CTNND2: variants seen among roughly 807,000 people sequenced by gnomAD.
CTNND2 encodes catenin delta-2.
In CTNND2, 22 loss-of-function variants were observed where a neutral mutation model predicts 144.4. The ratio of observed to expected loss-of-function variants is 0.15; its 90% CI spans 0.11 to 0.22. CTNND2 has a LOEUF of 0.22. Among genes scored for constraint, CTNND2 ranks in the 10% least tolerant of loss-of-function variants. CTNND2 has a pLI of 1.00. For missense variants in CTNND2, 1,353 were observed against 1,618.8 expected, an observed-to-expected ratio of 0.84 and a Z score of 2.82; for synonymous variants, 751 against 695.6, an observed-to-expected ratio of 1.08 and a Z score of -1.25.
chr5:11,275,017 G>A (rs990231639), intron 9 of CTNND2, among the ~76,000 whole-genome samples: 2 of 152,176 alleles, frequency 1.3e-5, no homozygotes, highest in African/African-American at 4.8e-5. Context: ...CGGGTATAGA[G>A]TTGGTAGGAA....
chr5:11,600,313 A>C (rs13174794), intron 2 of CTNND2, among the ~76,000 whole-genome samples: 30,065 of 152,148 alleles, frequency 0.2, 3,373 homozygotes, highest in Non-Finnish European at 0.25. Flanking sequence ...AACAACAAAA[A>C]AAATTTTGTA....
chr5:11,089,032 T>C (rs1750475642), intron 15 of CTNND2, among the ~76,000 whole-genome samples: 1 of 152,214 alleles, frequency 6.6e-6, no homozygotes, highest in Non-Finnish European at 1.5e-5. Flanking sequence ...ACTTGTGTTT[T>C]TGCTGCTGTT....
chr5:11,210,654 C>G (rs1357921087), intron 10 of CTNND2, among the ~76,000 whole-genome samples: 1 of 152,116 alleles, frequency 6.6e-6, no homozygotes, highest in Non-Finnish European at 1.5e-5. Flanking sequence ...TTTTGGATGA[C>G]CTCACATAAA....
chr5:11,887,175 G>T (rs1467237717), intron 1 of CTNND2, among the ~76,000 whole-genome samples: 3 of 151,618 alleles, frequency 2.0e-5, no homozygotes, highest in Non-Finnish European at 4.4e-5. Flanking sequence ...AGAAGAGATG[G>T]GGTTTAACCA....
chr5:11,152,403 C>A (rs1022757101), intron 12 of CTNND2, among the ~76,000 whole-genome samples: 1 of 152,192 alleles, frequency 6.6e-6, no homozygotes, highest in Admixed American at 6.5e-5. Flanking sequence ...CTATACAGGC[C>A]TGTAACCTAG....
At chr5:11,175,853 A>G (rs776225794) in intron 11 of CTNND2, among the ~76,000 whole-genome samples, 5 of 152,110 alleles carry the variant, frequency 3.3e-5, no homozygotes, top group Non-Finnish European at 7.3e-5. Flanking sequence ...CTGTCACCCA[A>G]TAGTGTGTGT....
chr5:11,785,068 G>T (rs1000017861), intron 1 of CTNND2, among the ~76,000 whole-genome samples: 3 of 152,146 alleles, frequency 2.0e-5, no homozygotes, highest in African/African-American at 7.2e-5. Flanking sequence ...GCTCATAAGT[G>T]CATACAATGT....
At chr5:11,370,873 A>G (rs913336616) in intron 7 of CTNND2, among the ~76,000 whole-genome samples, 1 of 152,356 alleles carries the variant, frequency 6.6e-6, no homozygotes, top group Middle Eastern at 3.4e-3. Flanking sequence ...CAGTTCTTTC[A>G]TTATTGAGAT....
chr5:11,791,901 C>T (rs1434672889), intron 1 of CTNND2, among the ~76,000 whole-genome samples: 1 of 152,102 alleles, frequency 6.6e-6, no homozygotes, highest in Non-Finnish European at 1.5e-5. Flanking sequence ...TGATCAGATA[C>T]TCTAGGCAAA....
chr5:11,342,077 C>A (rs192145593), intron 9 of CTNND2, among the ~76,000 whole-genome samples: 3 of 152,038 alleles, frequency 2.0e-5, no homozygotes, highest in African/African-American at 7.2e-5. Flanking sequence ...TATGCATGCG[C>A]GTGGGTGTGT....
intron 9 of CTNND2, among the ~76,000 whole-genome samples, chr5:11,243,343 G>A (rs1742648744): frequency 6.6e-6 from 1 of 152,170 alleles, no homozygotes; most frequent in Non-Finnish European, 1.5e-5. Flanking sequence ...TGCTCACTGT[G>A]TAGATGAACA....
intron 9 of CTNND2, among the ~76,000 whole-genome samples, chr5:11,269,933 T>C (rs1745826202): frequency 6.6e-6 from 1 of 152,200 alleles, no homozygotes; most frequent in South Asian, 2.1e-4. Context: ...AATTGCAGGA[T>C]TATGTCAACC....
chr5:11,879,748 A>C (rs1010100127), intron 1 of CTNND2, among the ~76,000 whole-genome samples: 2 of 152,152 alleles, frequency 1.3e-5, no homozygotes, highest in African/African-American at 4.8e-5. Context: ...ATGCTATCCA[A>C]TTCTCAAAGT....
At chr5:11,249,951 G>A (rs1319490523) in intron 9 of CTNND2, among the ~76,000 whole-genome samples, 1 of 151,922 alleles carries the variant, frequency 6.6e-6, no homozygotes, top group African/African-American at 2.4e-5. Flanking sequence ...TTCTTAATAT[G>A]AGGATATAAA....
intron 11 of CTNND2, among the ~76,000 whole-genome samples, chr5:11,181,933 GGT>G (rs1259343622): frequency 2.7e-5 from 4 of 147,996 alleles, no homozygotes; most frequent in Admixed American, 2.7e-4. Context: ...CTATGTGTGT[GGT>G]GTGTGTGTGG....
chr5:11,716,538 T>C (rs538148121), intron 2 of CTNND2, among the ~76,000 whole-genome samples: 51 of 152,342 alleles, frequency 3.3e-4, no homozygotes, highest in African/African-American at 1.2e-3. Context: ...CCTAAATATA[T>C]TAAATTTCAT....
intron 2 of CTNND2, among the ~76,000 whole-genome samples, chr5:11,605,679 T>C (rs542215773): frequency 7.2e-5 from 11 of 152,300 alleles, no homozygotes; most frequent in South Asian, 2.1e-4. Context: ...CCATGGTTCA[T>C]AAAGATCACA....
At chr5:11,726,052 T>G (rs1409621715) in intron 2 of CTNND2, among the ~76,000 whole-genome samples, 3 of 152,200 alleles carry the variant, frequency 2.0e-5, no homozygotes, top group Non-Finnish European at 4.4e-5. Context: ...CAGTAATTAA[T>G]GATGACATAT....
chr5:11,717,652 T>C (rs763431976), intron 2 of CTNND2, among the ~76,000 whole-genome samples: 2 of 151,388 alleles, frequency 1.3e-5, no homozygotes, highest in Non-Finnish European at 2.9e-5. Flanking sequence ...CAATTCAGCA[T>C]GGCTAAGGAG....
Sources: allele counts gnomAD v4.1 joint callset (sites outside exome capture counted in the v4.1 genomes callset), GRCh38; gene constraint gnomAD v4.1.1; transcripts MANE v1.5; gene names NCBI Gene and HGNC (gene_info 2026-07-23, HGNC 2026-07-21).